The following TPRG1 variants were observed in gnomAD, a reference collection of about 807,000 sequenced individuals.
The protein encoded by TPRG1 is tumor protein p63 regulated 1.
A neutral mutation model predicts 29.3 loss-of-function variants in TPRG1; 29 were observed. The ratio of observed to expected loss-of-function variants is 0.99; its 90% CI spans 0.74 to 1.35. The LOEUF (loss-of-function observed/expected upper bound fraction) is 1.35, where lower values mean the gene tolerates loss of function less well. Ranked by LOEUF, TPRG1 falls within the 40% of genes most tolerant of loss-of-function variation. The probability of loss-of-function intolerance (pLI) is 0.00; values close to 1 mark genes in which losing one functional copy is unlikely to be tolerated. For missense variants in TPRG1, 327 were observed against 335.0 expected (o/e 0.98, Z 0.19); for synonymous variants, 130 against 116.8 (o/e 1.11, Z -0.73).
chr3:189,219,623 A>C (rs551792835), intron 3 of TPRG1: 12 of 1,289,232 alleles, frequency 9.3e-6, no homozygotes, highest in Non-Finnish European at 1.2e-5. Context: ...ATGGAATTTC[A>C]AAAAGTATGA....
intron 1 of TPRG1, among the ~76,000 whole-genome samples, chr3:189,118,243 G>A (rs373469233): frequency 3.6e-4 from 55 of 152,136 alleles, no homozygotes; most frequent in Admixed American, 1.5e-3. Context: ...GAGACTGGCC[G>A]CATTCTACCC....
chr3:189,115,813 A>T (rs1201622996), intron 1 of TPRG1, among the ~76,000 whole-genome samples: 1 of 152,198 alleles, frequency 6.6e-6, no homozygotes, highest in Non-Finnish European at 1.5e-5. Flanking sequence ...TCTAAACTTT[A>T]TCATCTCTCT....
chr3:189,253,203 A>G (rs560404545), intron 4 of TPRG1, among the ~76,000 whole-genome samples: 1 of 151,230 alleles, frequency 6.6e-6, no homozygotes, highest in African/African-American at 2.4e-5. Flanking sequence ...CAGGCCCCTC[A>G]CCCCCCAACT....
chr3:189,158,021 C>T (rs1026222659), intron 5 of TPRG1, among the ~76,000 whole-genome samples: 4 of 152,130 alleles, frequency 2.6e-5, no homozygotes, highest in South Asian at 2.1e-4. Context: ...TTATATATGT[C>T]GCATCATTCT....
chr3:189,230,615 T>C (rs899817998), intron 3 of TPRG1, among the ~76,000 whole-genome samples: 1 of 152,088 alleles, frequency 6.6e-6, no homozygotes, highest in African/African-American at 2.4e-5. Context: ...TTCTCCCGGG[T>C]ATTCTCCTAT....
chr3:189,089,621 C>A (rs761806143), intron 4 of TPRG1, among the ~76,000 whole-genome samples: 1 of 152,120 alleles, frequency 6.6e-6, no homozygotes, highest in Non-Finnish European at 1.5e-5. Flanking sequence ...CAAGGCTATA[C>A]AGAGCATCAC....
chr3:189,028,243 C>T (rs1459549476), intron 4 of TPRG1, among the ~76,000 whole-genome samples: 5 of 152,148 alleles, frequency 3.3e-5, no homozygotes, highest in African/African-American at 1.2e-4. Flanking sequence ...GCTTCAAGTT[C>T]CCTGACCGCA....
intron 4 of TPRG1, among the ~76,000 whole-genome samples, chr3:189,283,492 A>G (rs982345244): frequency 6.6e-6 from 1 of 152,258 alleles, no homozygotes; most frequent in African/African-American, 2.4e-5. Flanking sequence ...CTGTGATATC[A>G]GAGTGCTTTA....
intron 5 of TPRG1, among the ~76,000 whole-genome samples, chr3:189,319,335 G>T (rs976102185): frequency 1.3e-5 from 2 of 151,994 alleles, no homozygotes; most frequent in African/African-American, 4.8e-5. Flanking sequence ...CTCAAACCAC[G>T]TGTCTGCAAC....
At chr3:189,307,911 T>C (rs561950508) in intron 4 of TPRG1, among the ~76,000 whole-genome samples, 3 of 152,330 alleles carry the variant, frequency 2.0e-5, no homozygotes, top group African/African-American at 4.8e-5. Flanking sequence ...CTTGGAATGA[T>C]AGGATAGTAC....
At position 189,190,585 on chromosome 3, in the gene TPRG1, C is replaced by T. The variant is rs115839268; in HGVS notation, c.-9-16791C>T. 5.8e-3 allele frequency among the ~76,000 whole-genome samples: 888 copies of T among 152,266 alleles called. 10 individuals carry two copies. The highest frequency in any genetic ancestry group is 0.019 in the African/African-American group (777 of 41,562). On this transcript the variant is annotated intron_variant, in intron 1 of 5. Coordinates refer to ENST00000345063, the MANE Select transcript of TPRG1 (RefSeq NM_198485.4). ...AATTATTTTATTTTATTGCCTCCTA[C>T]GTCTATGATAAGAATGCTAATAGCT...
chr3:189,313,460 A>G (rs1339539241), intron 5 of TPRG1, among the ~76,000 whole-genome samples: 2 of 152,232 alleles, frequency 1.3e-5, no homozygotes, highest in Non-Finnish European at 2.9e-5. Context: ...GGGAAAATGC[A>G]TAACTAAATC....
At chr3:189,151,364 C>T (rs968009701) in intron 5 of TPRG1, among the ~76,000 whole-genome samples, 1 of 152,140 alleles carries the variant, frequency 6.6e-6, no homozygotes, top group African/African-American at 2.4e-5. Context: ...AGTCTTCTTA[C>T]TTCATAATCT....
At chr3:189,018,622 T>C (rs1713096509) in intron 3 of TPRG1, among the ~76,000 whole-genome samples, 1 of 148,700 alleles carries the variant, frequency 6.7e-6, no homozygotes, top group South Asian at 2.2e-4. Flanking sequence ...CATGCTGTTT[T>C]GGTTACTGTA....
At chr3:189,161,343 A>C (rs1377033765) in intron 5 of TPRG1, among the ~76,000 whole-genome samples, 1 of 152,180 alleles carries the variant, frequency 6.6e-6, no homozygotes, top group Non-Finnish European at 1.5e-5. Flanking sequence ...CAAGTTATTC[A>C]CTTGTTTCTC....
intron 4 of TPRG1, among the ~76,000 whole-genome samples, chr3:189,298,123 A>T (rs1433084310): frequency 6.6e-6 from 1 of 152,224 alleles, no homozygotes; most frequent in Non-Finnish European, 1.5e-5. Context: ...CACTTACCCC[A>T]AAGCAAATAT....
rs532136527 is a variant in TPRG1 at position 189,146,328 on chromosome 3, G to T, written c.-290-1256G>T. Among the ~76,000 whole-genome samples, 5 of 152,330 alleles carry T rather than the reference G, an allele frequency of 3.3e-5. No homozygotes were observed. The South Asian group carries it at 1.0e-3, about 32-fold the overall frequency. On this transcript the variant is annotated intron_variant, in intron 3 of 6. Coordinates refer to the TPRG1 transcript ENST00000412373. ...GTTAGGTCACAGTTAGGAAGAGAAGGCGCCCGTAAGTCTCTCTGAGGGATC... is the reference window on the plus strand; with the variant it reads ...GTTAGGTCACAGTTAGGAAGAGAAGTCGCCCGTAAGTCTCTCTGAGGGATC...
At chr3:189,179,506 C>A (rs900445444) in intron 1 of TPRG1, among the ~76,000 whole-genome samples, 1 of 152,198 alleles carries the variant, frequency 6.6e-6, no homozygotes, top group Non-Finnish European at 1.5e-5. Context: ...GACAGCTCAG[C>A]GTGACTTTCT....
intron 4 of TPRG1, among the ~76,000 whole-genome samples, chr3:189,046,484 G>A (rs1714985748): frequency 1.3e-5 from 2 of 152,068 alleles, no homozygotes; most frequent in South Asian, 4.1e-4. Flanking sequence ...TGAGATATAG[G>A]GAATAATTAT....
Sources: allele counts gnomAD v4.1 joint callset (sites outside exome capture counted in the v4.1 genomes callset), GRCh38; gene constraint gnomAD v4.1.1; transcripts MANE v1.5; gene names NCBI Gene and HGNC (gene_info 2026-07-23, HGNC 2026-07-21).